ALG5: variants seen among roughly 807,000 people sequenced by gnomAD.
The protein encoded by ALG5 is dolichyl-phosphate beta-glucosyltransferase.
ALG5 carries 26 observed loss-of-function variants against 51.8 expected under a neutral mutation model. The observed-to-expected ratio is 0.50, with a 90% CI of 0.37 to 0.70. The LOEUF (loss-of-function observed/expected upper bound fraction) is 0.70. ALG5 is among the 30% of genes least tolerant of loss of function. The pLI, the probability that ALG5 is intolerant of heterozygous loss-of-function variation, is 0.00. For missense variants in ALG5, 311 were observed against 399.3 expected (o/e 0.78, Z 1.88); for synonymous variants, 141 against 136.1 (o/e 1.04, Z -0.25).
intron 7 of ALG5, among the ~76,000 whole-genome samples, chr13:36,966,111 G>C (rs2058892267): frequency 6.6e-6 from 1 of 152,130 alleles, no homozygotes; most frequent in African/African-American, 2.4e-5. Context: ...CAGTTTCCAG[G>C]ATGTATTGAC....
At chr13:36,997,346 G>A (rs1263580262) in intron 1 of ALG5, among the ~76,000 whole-genome samples, 2 of 151,620 alleles carry the variant, frequency 1.3e-5, no homozygotes, top group Admixed American at 6.6e-5. Context: ...GGTGGTAGGC[G>A]CCTGTAATCC....
At chr13:36,971,422 G>A (rs887776627) in intron 7 of ALG5, among the ~76,000 whole-genome samples, 48 of 152,030 alleles carry the variant, frequency 3.2e-4, no homozygotes, top group Admixed American at 2.5e-3. Flanking sequence ...TGAGGCAGGC[G>A]GATTACCTGA....
At chr13:36,975,144 G>C (rs1238690603) in intron 6 of ALG5, among the ~76,000 whole-genome samples, 1 of 152,178 alleles carries the variant, frequency 6.6e-6, no homozygotes, top group African/African-American at 2.4e-5. Context: ...TCAGGAGGCG[G>C]AGGGTGCAGT....
intron 4 of ALG5, among the ~76,000 whole-genome samples, chr13:36,993,386 G>A (rs373799904): frequency 3.9e-5 from 6 of 152,318 alleles, no homozygotes; most frequent in East Asian, 3.9e-4. Context: ...AACTGTGCGC[G>A]GGCATGTTTC....
intron 7 of ALG5, among the ~76,000 whole-genome samples, chr13:36,966,896 C>G (rs1276409762): frequency 6.6e-6 from 1 of 152,050 alleles, no homozygotes; most frequent in Non-Finnish European, 1.5e-5. Flanking sequence ...CAACACCAAA[C>G]AGAACCACAG....
chr13:36,997,402 G>T (rs1324499709), intron 1 of ALG5, among the ~76,000 whole-genome samples: 1 of 143,658 alleles, frequency 7.0e-6, no homozygotes, highest in Admixed American at 7.4e-5. Context: ...GAGGGCAGAG[G>T]TTGCAGTGAG....
chr13:36,982,194 T>C (rs1042119613), intron 6 of ALG5, among the ~76,000 whole-genome samples: 1 of 152,292 alleles, frequency 6.6e-6, no homozygotes, highest in Middle Eastern at 3.4e-3. Flanking sequence ...TGAAGGGCTG[T>C]CACAAAGAAG....
At chr13:36,994,293 A>C (rs1459922937) in intron 3 of ALG5, among the ~76,000 whole-genome samples, 2 of 152,302 alleles carry the variant, frequency 1.3e-5, no homozygotes, top group African/African-American at 4.8e-5. Context: ...CCCTTTATAC[A>C]AAAAATCTAA....
intron 8 of ALG5, among the ~76,000 whole-genome samples, chr13:36,955,648 C>T (rs2058836100): frequency 1.6e-5 from 2 of 122,888 alleles, no homozygotes; most frequent in South Asian, 5.6e-4. Flanking sequence ...GGTTCCACAT[C>T]TGTTTGTAAG....
chr13:36,993,039 G>C (rs1200943926), intron 4 of ALG5, among the ~76,000 whole-genome samples: 1 of 152,158 alleles, frequency 6.6e-6, no homozygotes, highest in Admixed American at 6.5e-5. Context: ...GCTGGGTCTA[G>C]GCTACCTCTA....
intron 8 of ALG5, among the ~76,000 whole-genome samples, chr13:36,958,095 A>G (rs930827282): frequency 1.3e-5 from 2 of 152,028 alleles, no homozygotes; most frequent in Non-Finnish European, 2.9e-5. Context: ...TTAAGCGACA[A>G]CCGTGAGGAA....
Position 36,995,983 on chromosome 13 carries a change from G to A in ALG5, c.67-387C>T, listed in dbSNP as rs1327343035. 1.3e-5 allele frequency among the ~76,000 whole-genome samples: 2 copies of A among 152,060 alleles called. 1 individual carries two copies. The highest frequency in any genetic ancestry group is 4.8e-5 in the African/African-American group (2 of 41,400). ...ATAGAGACACACACACATATAGTAAGGTCCTATCGCTACTTGGAATCTATA... is the reference window on the plus strand; with the variant it reads ...ATAGAGACACACACACATATAGTAAAGTCCTATCGCTACTTGGAATCTATA... On this transcript the variant is annotated intron_variant, in intron 1 of 9. Coordinates refer to ENST00000239891, the MANE Select transcript of ALG5 (RefSeq NM_013338.5).
intron 5 of ALG5, among the ~76,000 whole-genome samples, chr13:36,989,265 G>T: frequency 6.6e-6 from 1 of 152,080 alleles, no homozygotes; most frequent in Non-Finnish European, 1.5e-5. Flanking sequence ...TAAACTTTAA[G>T]ATAAACATAA....
intron 7 of ALG5, among the ~76,000 whole-genome samples, chr13:36,966,859 G>A (rs575250263): frequency 2.0e-5 from 3 of 152,002 alleles, no homozygotes; most frequent in Admixed American, 1.3e-4. Context: ...TTTTAGTATC[G>A]TTCTTCCTTT....
intron 8 of ALG5, among the ~76,000 whole-genome samples, chr13:36,959,060 T>C (rs1245979779): frequency 2.0e-5 from 3 of 152,122 alleles, no homozygotes; most frequent in African/African-American, 4.8e-5. Context: ...ATGGATGGAA[T>C]TGGAGAATAT....
At chr13:36,987,855 T>G (rs190453940) in intron 5 of ALG5, among the ~76,000 whole-genome samples, 1 of 152,202 alleles carries the variant, frequency 6.6e-6, no homozygotes, top group African/African-American at 2.4e-5. Context: ...TTGCCCAATA[T>G]TGCTACACTT....
At chr13:36,971,916 T>C in intron 7 of ALG5, 61 bp downstream of exon 7, 4 of 1,307,344 alleles carry the variant, frequency 3.1e-6, no homozygotes, top group South Asian at 1.4e-5. Flanking sequence ...CAGATATATA[T>C]ATAAAAAAAG....
rs191785239 is a variant in ALG5, at chr13:36,989,348, G to A, written c.447+136C>T. ...CATCTTAAAATTTGACTAAAAACAT[G>A]AAGTTATTATTAAAATTATGTTATC... On this transcript the variant is annotated intron_variant, in intron 5 of 9. Coordinates refer to ENST00000239891, the MANE Select transcript of ALG5 (RefSeq NM_013338.5). 64 of 625,978 alleles carry A rather than the reference G, an allele frequency of 1.0e-4. No homozygotes were observed. In the Admixed American group the frequency reaches 1.9e-3, roughly 18 times the overall value. The allele number at this position is 625,978 out of a possible 1,614,324, so 38.8% of individuals were successfully genotyped here. A position where few individuals can be genotyped will look rare whatever the true frequency, so the allele number is the denominator to read the frequency against.
intron 2 of ALG5, 112 bp from the exon 3 acceptor site, chr13:36,995,147 C>A (rs2059043257): frequency 1.1e-6 from 1 of 928,604 alleles, no homozygotes; most frequent in African/African-American, 1.7e-5. Flanking sequence ...CCCTCTGGTA[C>A]TTTCCCAATG....
Sources: gnomAD v4.1 joint callset for allele counts (sites outside exome capture counted in the v4.1 genomes callset) on GRCh38, gnomAD v4.1.1 for gene constraint, MANE v1.5 for transcripts, NCBI Gene and HGNC (gene_info 2026-07-23, HGNC 2026-07-21) for gene names.